EBF4: variants seen among roughly 807,000 people sequenced by gnomAD.
The protein encoded by EBF4 is transcription factor COE4.
Under a neutral mutation model 67.1 loss-of-function variants are expected in EBF4, and 34 were observed. The ratio of observed to expected loss-of-function variants is 0.51; its 90% CI spans 0.39 to 0.67. The LOEUF is 0.67. Among genes scored for constraint, EBF4 ranks in the 30% least tolerant of loss-of-function variants. The pLI is 0.00. For missense variants in EBF4, 837 were observed against 873.3 expected (o/e 0.96, Z 0.52); for synonymous variants, 387 against 377.7 (o/e 1.02, Z -0.29).
intron 1 of EBF4, among the ~76,000 whole-genome samples, chr20:2,698,400 G>C (rs139326448): frequency 5.3e-5 from 8 of 152,348 alleles, no homozygotes; most frequent in African/African-American, 1.7e-4. Context: ...ATCTTCCCCA[G>C]TCTGCACCAT....
intron 1 of EBF4, among the ~76,000 whole-genome samples, chr20:2,700,377 C>A (rs550134111): frequency 3.3e-5 from 5 of 152,142 alleles, no homozygotes; most frequent in Admixed American, 6.5e-5. Flanking sequence ...TCTATTCCCC[C>A]TTCTCTCCCC....
At chr20:2,734,019 A>AT (rs1374585427) in intron 6 of EBF4, among the ~76,000 whole-genome samples, 1 of 152,036 alleles carries the variant, frequency 6.6e-6, no homozygotes, top group East Asian at 1.9e-4. Flanking sequence ...TCCTTTATTG[A>AT]TTTTTTTGGT....
intron 5 of EBF4, among the ~76,000 whole-genome samples, 193 bp downstream of exon 5, chr20:2,708,213 A>G (rs2087487129): frequency 6.6e-6 from 1 of 152,168 alleles, no homozygotes; most frequent in African/African-American, 2.4e-5. Flanking sequence ...AGGGTCCTTG[A>G]GGCCCCATTA....
chr20:2,749,859 C>T (rs985494268), exon 10 of EBF4: 33 of 1,550,310 alleles, frequency 2.1e-5, no homozygotes, highest in Non-Finnish European at 2.4e-5. Context: ...CATCACGCCC[C>T]ACGCCATCCG....
intron 1 of EBF4, among the ~76,000 whole-genome samples, chr20:2,702,650 T>C (rs1378098930): frequency 1.3e-5 from 2 of 152,238 alleles, no homozygotes; most frequent in Admixed American, 6.5e-5. Context: ...CCAGGTGTTA[T>C]GGCTTAGCCT....
intron 1 of EBF4, among the ~76,000 whole-genome samples, chr20:2,704,909 C>T (rs898987100): frequency 8.5e-5 from 13 of 152,222 alleles, no homozygotes; most frequent in Admixed American, 5.2e-4. Context: ...TCTGATGAGC[C>T]AGGAGAGATC....
At chr20:2,692,810 G>T, upstream of EBF4, 1 of 157,036 alleles carries the variant, frequency 6.4e-6, no homozygotes, top group South Asian at 1.7e-4. The surrounding 1 kb of genome is among the most constrained non-coding windows in gnomAD (Gnocchi z 6.4). Context: ...CGGGAGCGGC[G>T]GCGGCGGCGG....
chr20:2,759,451 T>G (rs2088293405), downstream of EBF4: 1 of 213,844 alleles, frequency 4.7e-6, no homozygotes. Flanking sequence ...CAGGCTTCTC[T>G]CGCCTCCCTG....
At chr20:2,759,638 G>A (rs1373500051), downstream of EBF4, 2 of 153,002 alleles carry the variant, frequency 1.3e-5, no homozygotes, top group African/African-American at 4.8e-5. Flanking sequence ...CCGTGGGAAA[G>A]AGGACAGCTC....
At position 2,707,756 on chromosome 20, in the gene EBF4, G is replaced by A. The variant is rs117062635; in HGVS notation, c.415-191G>A. 0.013 allele frequency among the ~76,000 whole-genome samples: 2,029 copies of A among 152,294 alleles called. 17 individuals carry two copies. The highest frequency in any genetic ancestry group is 0.019 in the Non-Finnish European group (1,309 of 68,004). On this transcript the variant is annotated intron_variant, in intron 4 of 16. Transcript: ENST00000609451. This position sits in a 1 kb window ranked among gnomAD's most constrained non-coding sequence, Gnocchi z 4.6. Reference sequence around the variant, plus strand: ...AGACTTCATACCATTCTTGCCAGCCGGTGGTGGTCCGGTTTGGGAGGAGGG... The same window carrying A: ...AGACTTCATACCATTCTTGCCAGCCAGTGGTGGTCCGGTTTGGGAGGAGGG...
intron 6 of EBF4, among the ~76,000 whole-genome samples, chr20:2,734,222 A>C (rs2087849890): frequency 6.6e-6 from 1 of 152,134 alleles, no homozygotes. Flanking sequence ...AGCCTGGGCA[A>C]CATGGTGAAA....
At chr20:2,706,310 G>A (rs376461001) in intron 4 of EBF4, 46 bp downstream of exon 4, 219 of 1,549,122 alleles carry the variant, frequency 1.4e-4, no homozygotes, top group African/African-American at 8.8e-4. Flanking sequence ...CTCTCTTCCC[G>A]GACCCTGCCT....
At chr20:2,726,961 G>A (rs1369361289) in intron 6 of EBF4, among the ~76,000 whole-genome samples, 1 of 152,044 alleles carries the variant, frequency 6.6e-6, no homozygotes, top group Non-Finnish European at 1.5e-5. Flanking sequence ...CGTAGTAGCT[G>A]CCATCCTACC....
chr20:2,718,104 C>T lies in EBF4; in HGVS notation c.557+8462C>T, dbSNP rs186598533. 2.9e-3 allele frequency among the ~76,000 whole-genome samples: 449 copies of T among 152,290 alleles called. 2 individuals are homozygous for T. The highest frequency in any genetic ancestry group is 5.1e-3 in the Non-Finnish European group (344 of 68,016). On this transcript the variant is annotated intron_variant, in intron 6 of 16. Transcript: ENST00000609451. Reference sequence around the variant, plus strand: ...AATTACAGGCGTGAGCCACCGCACCCGGCTGGTTAATGTTAAGCCAATTCT... The same window carrying T: ...AATTACAGGCGTGAGCCACCGCACCTGGCTGGTTAATGTTAAGCCAATTCT...
At position 2,693,603 on chromosome 20, in the gene EBF4, C is replaced by A. The variant is rs551269852; in HGVS notation, c.-43C>A. The A allele has an allele frequency of 2.6e-5, 35 of 1,354,410 alleles. No homozygotes were observed. In the African/African-American group the frequency reaches 4.6e-4, roughly 18 times the overall value. 83.9% of individuals were successfully genotyped at this position (1,354,410 alleles called of 1,614,324 possible). A position where few individuals can be genotyped will look rare whatever the true frequency, so the allele number is the denominator to read the frequency against. On this transcript the variant is annotated 5_prime_UTR_variant, in exon 1 of 17. Coordinates refer to ENST00000609451, the Ensembl canonical transcript of EBF4. The surrounding 1 kb of genome is among the most constrained non-coding windows in gnomAD (Gnocchi z 4.6). ...CTAGACGCCCGCAGCCTCAGCGGGA[C>A]CGGATCCGGGGCGGCGGGGGCGCTC...
intron 6 of EBF4, among the ~76,000 whole-genome samples, chr20:2,742,499 C>G (rs1200621588): frequency 6.6e-6 from 1 of 152,132 alleles, no homozygotes; most frequent in African/African-American, 2.4e-5. Flanking sequence ...TCCAGTAATC[C>G]TAATGGAAGC....
At chr20:2,702,127 CTG>C (rs978146502) in intron 1 of EBF4, among the ~76,000 whole-genome samples, 2 of 152,146 alleles carry the variant, frequency 1.3e-5, no homozygotes, top group African/African-American at 4.8e-5. Context: ...TAAAAAGAAT[CTG>C]TGGTCAGAAA....
At chr20:2,711,948 T>C (rs1185715214) in intron 6 of EBF4, among the ~76,000 whole-genome samples, 3 of 152,208 alleles carry the variant, frequency 2.0e-5, no homozygotes, top group Non-Finnish European at 4.4e-5. Flanking sequence ...GATGTATTTA[T>C]GTATCTGGGG....
rs2087296000 is a variant in EBF4, at chr20:2,696,885, C to A, written c.137+3103C>A. ...GCCTGTCCCGGTCCTCCTTGCCCTG[C>A]CAGCTGGGGCCTTCCCCTAAGGCAA... On this transcript the variant is annotated intron_variant, in intron 1 of 16. Transcript: ENST00000609451. The surrounding 1 kb of genome is among the most constrained non-coding windows in gnomAD (Gnocchi z 4.7). Among the ~76,000 whole-genome samples the A allele has an allele frequency of 6.6e-6, 1 of 152,200 alleles. No individual in the cohort carries two copies. The highest frequency in any genetic ancestry group is 6.5e-5 in the Admixed American group (1 of 15,284).
Sources: gnomAD v4.1 joint callset for allele counts (sites outside exome capture counted in the v4.1 genomes callset) on GRCh38, gnomAD v4.1.1 for gene constraint, Gnocchi (gnomAD v3.1) non-coding constraint, MANE v1.5 for transcripts, NCBI Gene and HGNC (gene_info 2026-07-23, HGNC 2026-07-21) for gene names.